Variants in FLG2 observed in about 807,000 individuals in gnomAD.
FLG2 encodes filaggrin-2.
Under a neutral mutation model 3.9 loss-of-function variants are expected in FLG2, and 7 were observed. The observed-to-expected ratio is 1.79, with a 90% CI of 1.02 to 3.36. The LOEUF (loss-of-function observed/expected upper bound fraction) is 3.36, where lower values mean the gene tolerates loss of function less well. Ranked by LOEUF, FLG2 falls within the 30% of genes most tolerant of loss-of-function variation. FLG2 has a pLI of 0.00. For missense variants in FLG2, 2,700 were observed against 2,809.4 expected (o/e 0.96, Z 0.88); for synonymous variants, 1,031 against 1,056.1 (o/e 0.98, Z 0.46).
rs758288812 is a variant in FLG2 at position 152,354,198 on chromosome 1, T to C, written c.3588A>G (p.Ile1196Met). 7 of 1,614,082 alleles carry C rather than the reference T, an allele frequency of 4.3e-6. No homozygotes were observed. Among genetic ancestry groups the C allele is most frequent in the Admixed American group, 1.7e-5 (1 of 60,008 alleles). The change falls in exon 3 of 3, where the codon ATA (isoleucine) becomes ATG (methionine). Residue 1196 changes from isoleucine (I) to methionine (M), a missense_variant. Coordinates refer to ENST00000388718, the MANE Select transcript of FLG2 (RefSeq NM_001014342.3). ...ATCCAGTGGACTGACCTGAGTCAGATATATGTTGTCCAGAACTAGAGAAAT... is the reference window on the plus strand; with the variant it reads ...ATCCAGTGGACTGACCTGAGTCAGACATATGTTGTCCAGAACTAGAGAAAT... ...SDNFSSSGQH[I>M]SDSGQSTGFG... is the part of the protein sequence containing the mutation.
rs1553219199 is a variant in FLG2, at chr1:152,356,721, A to T, written c.1065T>A (p.Tyr355Ter). The change falls in exon 3 of 3, where the codon TAT becomes TAA. Residue 355 changes from tyrosine (Y) to a stop codon, truncating the protein, a stop_gained. Coordinates refer to ENST00000388718, the MANE Select transcript of FLG2 (RefSeq NM_001014342.3). LOFTEE classifies it low-confidence loss of function (END_TRUNC). ...GTGGTTGACCATTTTCTCTAGCTCCATATCCTCTCTGACTATAGGACTGAC... is the reference window on the plus strand; with the variant it reads ...GTGGTTGACCATTTTCTCTAGCTCCTTATCCTCTCTGACTATAGGACTGAC... ...PCSQSYSQRG[Y>*]GARENGQPQN... is the part of the protein sequence containing the mutation. 3 of 1,614,208 alleles carry T rather than the reference A, an allele frequency of 1.9e-6. No individual in the cohort carries two copies. Among genetic ancestry groups the T allele is most frequent in the Non-Finnish European group, 2.5e-6 (3 of 1,180,042 alleles).
chr1:152,353,767 G>A lies in FLG2; in HGVS notation c.4019C>T (p.Ser1340Phe). 6.2e-7 allele frequency: 1 copy of A among 1,614,112 alleles called. No individual in the cohort carries two copies. The highest frequency in any genetic ancestry group is 8.5e-7 in the Non-Finnish European group (1 of 1,180,016). ...GQSTQTGSRT[S>F]GRQRFSHSDA... ...ACTGTGGCTAAATCTCTGTCTTCCA[G>A]ATGTTCTGGAACCTGTCTGTGTAGA... Residue 1340 changes from serine (S) to phenylalanine (F), a missense_variant, in exon 3 of 3, where the codon TCT becomes TTT. By Grantham distance (155) the Ser-to-Phe change is radical. Coordinates refer to ENST00000388718, the MANE Select transcript of FLG2 (RefSeq NM_001014342.3).
Position 152,358,870 on chromosome 1 carries a change from C to T in FLG2, c.15G>A (p.Leu5=). The change falls in exon 2 of 3, where the codon TTG becomes TTA. Residue 5 remains leucine (L), a synonymous_variant. Transcript: ENST00000388718. Reference sequence around the variant, plus strand: ...CATCAATTACGGTGACAACACTTCTCAAGAGGTCGGTCATCTTTTTGCAAG... The same window carrying T: ...CATCAATTACGGTGACAACACTTCTTAAGAGGTCGGTCATCTTTTTGCAAG... MTDL[L]RSVVTVIDVF... The T allele has an allele frequency of 3.1e-6, 5 of 1,612,896 alleles. No homozygotes were observed. Among genetic ancestry groups the T allele is most frequent in the Non-Finnish European group, 4.2e-6 (5 of 1,179,588 alleles).
At position 152,352,704 on chromosome 1, in the gene FLG2, A is replaced by G; in HGVS notation, c.5082T>C (p.Thr1694=). The change falls in exon 3 of 3, where the codon ACT becomes ACC. Residue 1694 remains threonine, a synonymous_variant. Transcript: ENST00000388718. ...TGGTATCTCCTGTCTGTCCATGAGT[A>G]GTTCCATGTCTCTCAGGAACTATGG... ...SESIVPERHG[T]THGQTGDTTR... is the part of the protein sequence containing the mutation. 1 of 1,613,758 alleles carries G rather than the reference A, an allele frequency of 6.2e-7. No homozygotes were observed. Among genetic ancestry groups the G allele is most frequent in the Non-Finnish European group, 8.5e-7 (1 of 1,179,950 alleles).
In FLG2 at chr1:152,358,879, G is replaced by A. The variant is rs1390172532; in HGVS notation, c.6C>T (p.Thr2=). The change falls in exon 2 of 3, where the codon ACC becomes ACT. Residue 2 remains threonine (T), a synonymous_variant. Transcript: ENST00000388718. M[T]DLLRSVVTVI... ...CGGTGACAACACTTCTCAAGAGGTC[G>A]GTCATCTTTTTGCAAGTTTAAGTGA... 12 of 1,610,434 alleles carry A rather than the reference G, an allele frequency of 7.5e-6. No individual in the cohort carries two copies. Among genetic ancestry groups the A allele is most frequent in the African/African-American group, 1.3e-5 (1 of 74,658 alleles).
In FLG2 at chr1:152,356,739, G is replaced by C. The variant is rs1056482989; in HGVS notation, c.1047C>G (p.Ser349=). 15 of 1,614,120 alleles carry C rather than the reference G, an allele frequency of 9.3e-6. No individual in the cohort carries two copies. The highest frequency in any genetic ancestry group is 1.1e-5 in the Non-Finnish European group (13 of 1,180,032). ...GQPESNPCSQ[S]YSQRGYGARE... ...TAGCTCCATATCCTCTCTGACTATA[G>C]GACTGACTACAGGGGTTAGACTCAG... Residue 349 remains serine (S), a synonymous_variant, in exon 3 of 3, where the codon TCC becomes TCG. Transcript: ENST00000388718.
At chr1:152,359,694 A>T (rs1014044810) in intron 1 of FLG2, among the ~76,000 whole-genome samples, 3 of 152,156 alleles carry the variant, frequency 2.0e-5, no homozygotes, top group African/African-American at 7.2e-5. Flanking sequence ...CTCGGAACAG[A>T]CTGTGGAATG....
In FLG2 at chr1:152,355,708, T is replaced by C. The variant is rs1278018141; in HGVS notation, c.2078A>G (p.Tyr693Cys). The C allele has an allele frequency of 7.4e-6, 12 of 1,613,738 alleles. No homozygotes were observed. Among genetic ancestry groups the C allele is most frequent in the Non-Finnish European group, 9.3e-6 (11 of 1,179,998 alleles). ...ACTTGAGCCAAAACCATGTTGGCCA[T>C]AGCTAGAATGACCTGATCTAGACTC... is the stretch of plus-strand genomic sequence containing the variant. ...QHESRSGHSS[Y>C]GQHGFGSSQS... Residue 693 changes from tyrosine to cysteine, a missense_variant, in exon 3 of 3, where the codon TAT (tyrosine) becomes TGT (cysteine). By Grantham distance (194) the Tyr-to-Cys change is radical (BLOSUM62 -2). Coordinates refer to ENST00000388718, the MANE Select transcript of FLG2 (RefSeq NM_001014342.3).
In FLG2 at chr1:152,350,846, G is replaced by T. The variant is rs567121398; in HGVS notation, c.6940C>A (p.Gln2314Lys). The change falls in exon 3 of 3, where the codon CAA becomes AAA. Residue 2314 changes from glutamine to lysine, a missense_variant. Physicochemically the swap from Gln to Lys is moderately conservative, Grantham distance 53. Coordinates refer to ENST00000388718, the MANE Select transcript of FLG2 (RefSeq NM_001014342.3). ...GATCTGGAACCTGTCTGTGTGGATTGTCCATAACCAGAATGGCCATGTCTA... is the reference window on the plus strand; with the variant it reads ...GATCTGGAACCTGTCTGTGTGGATTTTCCATAACCAGAATGGCCATGTCTA... ...TTRHGHSGYGQSTQTGSRSSR... is the reference protein window; with the variant it reads ...TTRHGHSGYGKSTQTGSRSSR... The T allele has an allele frequency of 5.0e-6, 8 of 1,614,110 alleles. No individual in the cohort carries two copies. Among genetic ancestry groups the T allele is most frequent in the Non-Finnish European group, 6.8e-6 (8 of 1,180,018 alleles).
Position 152,350,453 on chromosome 1 carries a change from G to A in FLG2, c.*157C>T, listed in dbSNP as rs1410294345. On this transcript the variant is annotated 3_prime_UTR_variant, in exon 3 of 3. Coordinates refer to ENST00000388718, the MANE Select transcript of FLG2 (RefSeq NM_001014342.3). The stretch of plus-strand genomic sequence containing the variant: ...TTATGAGTTACTATAGAATGTCCAT[G>A]ACTAGATTCCTGACTTCTTATAATA... 1.1e-6 allele frequency: 1 copy of A among 942,130 alleles called. No homozygotes were observed. The highest frequency in any genetic ancestry group is 1.5e-6 in the Non-Finnish European group (1 of 648,078). The allele number at this position is 942,130 out of a possible 1,614,324, so 58.4% of individuals were successfully genotyped here.
Position 152,354,254 on chromosome 1 carries a change from T to C in FLG2, c.3532A>G (p.Ser1178Gly), listed in dbSNP as rs1654100081. ...QHESGSGPTT[S>G]FGQHVSGSDN... Reference sequence around the variant, plus strand: ...GAGCCAGACACATGCTGTCCAAAACTTGTGGTTGGACCTGAGCCAGACTCA... The same window carrying C: ...GAGCCAGACACATGCTGTCCAAAACCTGTGGTTGGACCTGAGCCAGACTCA... Residue 1178 changes from serine (S) to glycine (G), a missense_variant, in exon 3 of 3, where the codon AGT becomes GGT. Ser to Gly is a moderately conservative substitution (Grantham distance 56). Transcript: ENST00000388718. The C allele has an allele frequency of 1.2e-6, 2 of 1,613,848 alleles. No homozygotes were observed. The highest frequency in any genetic ancestry group is 1.7e-6 in the Non-Finnish European group (2 of 1,179,932).
intron 1 of FLG2, 122 bp downstream of exon 1, chr1:152,359,834 A>T (rs1654383268): frequency 1.3e-5 from 2 of 152,252 alleles, no homozygotes; most frequent in Non-Finnish European, 2.9e-5. Context: ...AAATGAAAGA[A>T]AGAAACAAAA....
chr1:152,353,515 T>C lies in FLG2; in HGVS notation c.4271A>G (p.His1424Arg). 1.2e-6 allele frequency: 2 copies of C among 1,614,078 alleles called. No individual in the cohort carries two copies. The highest frequency in any genetic ancestry group is 2.2e-5 in the East Asian group (1 of 44,872). The change falls in exon 3 of 3, where the codon CAT becomes CGT. Residue 1424 changes from histidine to arginine, a missense_variant. By Grantham distance (29) the His-to-Arg change is conservative (BLOSUM62 0). Transcript: ENST00000388718. ...SRTTGRRGSGHSESSDSEVHS... is the reference protein window; with the variant it reads ...SRTTGRRGSGRSESSDSEVHS... ...CACTTCACTGTCACTGGACTCACTA[T>C]GGCCAGATCCCCTTCTTCCAGTTGT...
In FLG2 at chr1:152,350,064, G is replaced by A. The variant is rs759651517; in HGVS notation, c.*546C>T. On this transcript the variant is annotated 3_prime_UTR_variant, in exon 3 of 3. Coordinates refer to ENST00000388718, the MANE Select transcript of FLG2 (RefSeq NM_001014342.3). ...TGGTACTGAATCCAGACTGACCCTA[G>A]GCATCTCTTGATGGCCCATGACTTA... 10 of 158,812 alleles carry A rather than the reference G, an allele frequency of 6.3e-5. No individual in the cohort carries two copies. Among genetic ancestry groups the A allele is most frequent in the Non-Finnish European group, 1.3e-4 (9 of 71,634 alleles). 9.8% of individuals were successfully genotyped at this position (158,812 alleles called of 1,614,324 possible).
Position 152,356,772 on chromosome 1 carries a change from A to G in FLG2, c.1014T>C (p.Cys338=), listed in dbSNP as rs1331963185. Residue 338 remains cysteine (C), a synonymous_variant, in exon 3 of 3, where the codon TGT becomes TGC. Transcript: ENST00000388718. ...GCVSGGQPSG[C]GQPESNPCSQ... ...TACAGGGGTTAGACTCAGGTTGACC[A>G]CATCCAGAGGGCTGACCTCCTGAGA... 6.2e-7 allele frequency: 1 copy of G among 1,614,054 alleles called. No homozygotes were observed. The highest frequency in any genetic ancestry group is 1.1e-5 in the South Asian group (1 of 91,082).
In FLG2 at chr1:152,351,293, A is replaced by C. The variant is rs763680443; in HGVS notation, c.6493T>G (p.Ser2165Ala). 4 of 1,613,128 alleles carry C rather than the reference A, an allele frequency of 2.5e-6. No homozygotes were observed. Among genetic ancestry groups the C allele is most frequent in the Non-Finnish European group, 3.4e-6 (4 of 1,179,856 alleles). Residue 2165 changes from serine (S) to alanine (A), a missense_variant, in exon 3 of 3, where the codon TCC (serine) becomes GCC (alanine). Coordinates refer to ENST00000388718, the MANE Select transcript of FLG2 (RefSeq NM_001014342.3). ...GTTGTCCTGGAACCTGTCTGTGTGG[A>C]CTGTCCATGACCAGACTGGCCATGT... ...TRHGQSGHGQSTQTGSRTTGR... is the reference protein window; with the variant it reads ...TRHGQSGHGQATQTGSRTTGR...
chr1:152,356,529 A>T lies in FLG2; in HGVS notation c.1257T>A (p.Tyr419Ter). The T allele has an allele frequency of 6.2e-7, 1 of 1,614,252 alleles. No homozygotes were observed. Among genetic ancestry groups the T allele is most frequent in the South Asian group, 1.1e-5 (1 of 91,090 alleles). Reference protein sequence around the residue: ...SSNEFSKCDQYGSGSSQSTSF... With the variant: ...SSNEFSKCDQ ...TAGTAGACTGACTTGAACCAGACCCATATTGATCACATTTGGAAAATTCAT... is the reference window on the plus strand; with the variant it reads ...TAGTAGACTGACTTGAACCAGACCCTTATTGATCACATTTGGAAAATTCAT... Residue 419 changes from tyrosine (Y) to a stop codon, truncating the protein, a stop_gained, in exon 3 of 3, where the codon TAT becomes TAA. Coordinates refer to ENST00000388718, the MANE Select transcript of FLG2 (RefSeq NM_001014342.3). LOFTEE classifies it low-confidence loss of function (END_TRUNC).
rs774816289 is a variant in FLG2 at position 152,355,321 on chromosome 1, T to C, written c.2465A>G (p.Gln822Arg). The change falls in exon 3 of 3, where the codon CAA (glutamine) becomes CGA (arginine). Residue 822 changes from glutamine to arginine, a missense_variant. Physicochemically the swap from Gln to Arg is conservative, Grantham distance 43. Coordinates refer to ENST00000388718, the MANE Select transcript of FLG2 (RefSeq NM_001014342.3). ...GGATTGTCCTGAGCCAGACCCATGT[T>C]GTCCAAAGCCAGCGGACTGACCTGA... is the stretch of plus-strand genomic sequence containing the variant. ...SGSGQSAGFGQHGSGSGQSSG... is the reference protein window; with the variant it reads ...SGSGQSAGFGRHGSGSGQSSG... 19 of 1,613,846 alleles carry C rather than the reference T, an allele frequency of 1.2e-5. No individual in the cohort carries two copies. Among genetic ancestry groups the C allele is most frequent in the South Asian group, 3.3e-5 (3 of 91,072 alleles).
Position 152,351,581 on chromosome 1 carries a change from G to A in FLG2, c.6205C>T (p.His2069Tyr). Residue 2069 changes from histidine to tyrosine, a missense_variant, in exon 3 of 3, where the codon CAC becomes TAC. Coordinates refer to ENST00000388718, the MANE Select transcript of FLG2 (RefSeq NM_001014342.3). ...CCTGTCTGTCCATGAGTAGTTCCGTGTCTCTCATGAACTGAGGATCCTGAC... is the reference window on the plus strand; with the variant it reads ...CCTGTCTGTCCATGAGTAGTTCCGTATCTCTCATGAACTGAGGATCCTGAC... ...GESGSSVHER[H>Y]GTTHGQTGDT... 4.3e-6 allele frequency: 7 copies of A among 1,611,316 alleles called. No individual in the cohort carries two copies. The highest frequency in any genetic ancestry group is 5.9e-6 in the Non-Finnish European group (7 of 1,179,526).
Sources: allele counts gnomAD v4.1 joint callset (sites outside exome capture counted in the v4.1 genomes callset), GRCh38; gene constraint gnomAD v4.1.1; transcripts MANE v1.5; gene names NCBI Gene and HGNC (gene_info 2026-07-23, HGNC 2026-07-21).